The following JPH2 variants were observed in gnomAD, a reference collection of about 807,000 sequenced individuals.
JPH2 encodes the protein junctophilin-2.
JPH2 carries 38 observed loss-of-function variants against 55.9 expected under a neutral mutation model. The ratio of observed to expected loss-of-function variants is 0.68; its 90% confidence interval spans 0.52 to 0.89. The LOEUF (loss-of-function observed/expected upper bound fraction) is 0.89. Among genes scored for constraint, JPH2 ranks in the 40% least tolerant of loss-of-function variants. The probability of loss-of-function intolerance (pLI) is 0.00; values close to 1 mark genes in which losing one functional copy is unlikely to be tolerated. For missense variants in JPH2, 964 were observed against 1,037.6 expected, an observed-to-expected ratio of 0.93 and a Z score of 0.97; for synonymous variants, 480 against 472.4, an observed-to-expected ratio of 1.02 and a Z score of -0.21.
At chr20:44,162,744 CCA>C (rs1491209295) in intron 1 of JPH2, among the ~76,000 whole-genome samples, 26 of 68,346 alleles carry the variant, frequency 3.8e-4, no homozygotes, top group Non-Finnish European at 5.2e-4. Flanking sequence ...TAATAAACTT[CCA>C]TATATATATA....
intron 2 of JPH2, among the ~76,000 whole-genome samples, chr20:44,144,958 C>T (rs1392321255): frequency 8.8e-6 from 1 of 114,206 alleles, no homozygotes; most frequent in African/African-American, 3.0e-5. Context: ...CTCTCATGAT[C>T]CCCACCTTAG....
At chr20:44,116,535 T>G in intron 3 of JPH2, 149 bp from the exon 4 acceptor site, 1 of 852,368 alleles carries the variant, frequency 1.2e-6, no homozygotes. Context: ...TTCCAAGCAC[T>G]TTCCAAATAT....
chr20:44,116,643 C>T (rs2072195306), intron 3 of JPH2, among the ~76,000 whole-genome samples: 6 of 152,262 alleles, frequency 3.9e-5, no homozygotes, highest in Admixed American at 3.9e-4. Flanking sequence ...CAAAGACACA[C>T]AGCTGTCGAA....
chr20:44,179,479 C>T (rs923971768), intron 1 of JPH2, among the ~76,000 whole-genome samples: 5 of 152,050 alleles, frequency 3.3e-5, no homozygotes, highest in African/African-American at 9.7e-5. Flanking sequence ...GACTTTTAGC[C>T]GGAGTCTGGT....
chr20:44,127,501 T>C (rs1449579782), intron 2 of JPH2, among the ~76,000 whole-genome samples: 4 of 151,818 alleles, frequency 2.6e-5, no homozygotes, highest in Non-Finnish European at 5.9e-5. Flanking sequence ...TTTTTTTTTT[T>C]TGGAAACGGA....
chr20:44,119,234 G>A (rs2072217282), intron 2 of JPH2, among the ~76,000 whole-genome samples: 1 of 152,082 alleles, frequency 6.6e-6, no homozygotes. Context: ...TAATTTTAAA[G>A]TATAGATAAG....
intron 3 of JPH2, among the ~76,000 whole-genome samples, chr20:44,117,405 C>G (rs1399123321): frequency 1.3e-5 from 2 of 152,260 alleles, no homozygotes; most frequent in African/African-American, 4.8e-5. Flanking sequence ...TCTGCAGCCT[C>G]GATTCTCAGG....
At chr20:44,168,332 TA>T (rs2072671729) in intron 1 of JPH2, among the ~76,000 whole-genome samples, 1 of 152,172 alleles carries the variant, frequency 6.6e-6, no homozygotes, top group Admixed American at 6.5e-5. Context: ...GAATGGAAAA[TA>T]TCTCATTAAT....
At chr20:44,146,846 G>A (rs1175404188) in intron 2 of JPH2, among the ~76,000 whole-genome samples, 2 of 152,182 alleles carry the variant, frequency 1.3e-5, no homozygotes, top group Non-Finnish European at 2.9e-5. Flanking sequence ...GGAAGACTGC[G>A]CTCATGTACA....
intron 2 of JPH2, among the ~76,000 whole-genome samples, chr20:44,130,974 T>C (rs967279901): frequency 2.6e-5 from 4 of 152,198 alleles, no homozygotes; most frequent in Admixed American, 6.5e-5. Context: ...CCTGACTTAC[T>C]AGCTTTCACC....
chr20:44,159,990 A>G lies in JPH2; in HGVS notation c.797T>C (p.Leu266Pro), dbSNP rs1413306423. ...GTCGGCGCCCTCGGCGGCCTCTCCC[A>G]GGCTGGCGGTGGACGCGGCGTCGCT... ...GASDAASTASLGEAAEGADEA... is the reference protein window; with the variant it reads ...GASDAASTASPGEAAEGADEA... The change falls in exon 2 of 6, where the codon CTG (leucine) becomes CCG (proline). Residue 266 changes from leucine (L) to proline (P), a missense_variant. Transcript: ENST00000372980. The surrounding 1 kb of genome is among the most constrained non-coding windows in gnomAD (Gnocchi z 5.7). 3 of 1,586,810 alleles carry G rather than the reference A, an allele frequency of 1.9e-6. No homozygotes were observed. Among genetic ancestry groups the G allele is most frequent in the Non-Finnish European group, 2.6e-6 (3 of 1,171,992 alleles).
chr20:44,111,092 A>G lies in JPH2; in HGVS notation c.*2426T>C, dbSNP rs1378913111. On this transcript the variant is annotated 3_prime_UTR_variant, in exon 6 of 6. Transcript: ENST00000372980. ...ACTTGCTGTGTGCGTGACCTTGGGC[A>G]AGTCCCTCTGCTCTAAGCCTCTGTG... 1.3e-5 allele frequency among the ~76,000 whole-genome samples: 2 copies of G among 152,230 alleles called. No individual in the cohort carries two copies. The highest frequency in any genetic ancestry group is 6.5e-5 in the Admixed American group (1 of 15,288).
At chr20:44,147,726 A>G (rs116012560) in intron 2 of JPH2, among the ~76,000 whole-genome samples, 76 of 152,350 alleles carry the variant, frequency 5.0e-4, no homozygotes, top group African/African-American at 1.8e-3. Flanking sequence ...GTTGTTTAGA[A>G]CAATGTAAGA....
chr20:44,135,626 G>T (rs997158071), intron 2 of JPH2, among the ~76,000 whole-genome samples: 1 of 152,120 alleles, frequency 6.6e-6, no homozygotes, highest in Non-Finnish European at 1.5e-5. Flanking sequence ...CTGCGTGCCT[G>T]TCACCAGACA....
chr20:44,110,619 T>A lies in JPH2; in HGVS notation c.*2899A>T, dbSNP rs765432580. 6.6e-6 allele frequency among the ~76,000 whole-genome samples: 1 copy of A among 152,104 alleles called. No individual in the cohort carries two copies. Among genetic ancestry groups the A allele is most frequent in the Non-Finnish European group, 1.5e-5 (1 of 68,010 alleles). On this transcript the variant is annotated 3_prime_UTR_variant, in exon 6 of 6. Transcript: ENST00000372980. ...TTTGTATTTTCTTTTTTAGTAGAGA[T>A]GGGGTTTTGCCATGTTGGCCAGGCT...
rs545942309 is a variant in JPH2, at chr20:44,142,839, G to A, written c.1169+16779C>T. ...AAGGCTGAAATGAATAACATGGAGG[G>A]TGCCCCATGCTGTGGGTTCTTCCCA... is the stretch of plus-strand genomic sequence containing the variant. On this transcript the variant is annotated intron_variant, in intron 2 of 5. Transcript: ENST00000372980. 9.8e-5 allele frequency among the ~76,000 whole-genome samples: 15 copies of A among 152,300 alleles called. No individual in the cohort carries two copies. In the South Asian group the frequency reaches 2.5e-3, roughly 25 times the overall value.
intron 1 of JPH2, chr20:44,178,113 TTTAGTAATA>T: frequency 1.4e-6 from 1 of 730,780 alleles, no homozygotes; most frequent in Non-Finnish European, 2.6e-6. Flanking sequence ...CATGTCTTCC[TTTAGTAATA>T]TCAGATTCTC....
At position 44,111,566 on chromosome 20, in the gene JPH2, C is replaced by G. The variant is rs1235959839; in HGVS notation, c.*1952G>C. On this transcript the variant is annotated 3_prime_UTR_variant, in exon 6 of 6. Transcript: ENST00000372980. ...CCCCACTCAAACTGAAGCCCTTCAG[C>G]TGCCCCTCAAGGATCGTGAGAACAA... 1 of 152,274 alleles carries G rather than the reference C, an allele frequency of 6.6e-6. No homozygotes were observed. The highest frequency in any genetic ancestry group is 1.5e-5 in the Non-Finnish European group (1 of 68,096). The allele number at this position is 152,274 out of a possible 1,614,324, so 9.4% of individuals were successfully genotyped here.
In JPH2 at chr20:44,115,839, G is replaced by T. The variant is rs988341308; in HGVS notation, c.1836C>A (p.Pro612=). The T allele has an allele frequency of 6.3e-7, 1 of 1,596,454 alleles. No individual in the cohort carries two copies. The highest frequency in any genetic ancestry group is 1.7e-5 in the Admixed American group (1 of 59,722). The change falls in exon 4 of 6, where the codon CCC becomes CCA. Residue 612 remains proline (P), a synonymous_variant. Transcript: ENST00000372980. ...APLQAPTLRG[P]EPARETPAKL... is the part of the protein sequence containing the mutation. ...TGGCGGGGGTCTCGCGTGCAGGCTC[G>T]GGGCCTCGGAGCGTGGGGGCCTGCA...
Sources: gnomAD v4.1 joint callset for allele counts (sites outside exome capture counted in the v4.1 genomes callset) on GRCh38, gnomAD v4.1.1 for gene constraint, Gnocchi (gnomAD v3.1) non-coding constraint, MANE v1.5 for transcripts, NCBI Gene and HGNC (gene_info 2026-07-23, HGNC 2026-07-21) for gene names.